The following FBF1 variants were observed in gnomAD, a reference collection of about 807,000 sequenced individuals.
The protein encoded by FBF1 is fas-binding factor 1.
A neutral mutation model predicts 147.2 loss-of-function variants in FBF1; 119 were observed. The ratio of observed to expected loss-of-function variants is 0.81; its 90% CI spans 0.70 to 0.94. The LOEUF (loss-of-function observed/expected upper bound fraction) is 0.94. FBF1 is among the 40% of genes least tolerant of loss of function. FBF1 has a pLI of 0.00. For synonymous variants in FBF1, 601 were observed against 609.0 expected (o/e 0.99, Z 0.19); for missense variants, 1,449 against 1,500.8 (o/e 0.97, Z 0.57).
In FBF1 at chr17:75,917,839, G is replaced by A. The variant is rs751049224; in HGVS notation, c.2398C>T (p.Arg800Trp). 1.4e-5 allele frequency: 23 copies of A among 1,605,708 alleles called. No homozygotes were observed. Among genetic ancestry groups the A allele is most frequent in the South Asian group, 2.2e-5 (2 of 89,622 alleles). ...RDEQLRALQE[R>W]LGQQQRDMEE... Reference sequence around the variant, plus strand: ...ATGTCCCGCTGCTGCTGGCCCAGCCGCTCCTGCAGTGCTGGGGGCAACCCA... The same window carrying A: ...ATGTCCCGCTGCTGCTGGCCCAGCCACTCCTGCAGTGCTGGGGGCAACCCA... Residue 800 changes from arginine (R) to tryptophan (W), a missense_variant, in exon 23 of 30, where the codon CGG (arginine) becomes TGG (tryptophan). Physicochemically the swap from Arg to Trp is moderately radical, Grantham distance 101. Coordinates refer to ENST00000636174, the MANE Select transcript of FBF1 (RefSeq NM_001319193.2).
intron 4 of FBF1, among the ~76,000 whole-genome samples, chr17:75,934,879 CAAAAA>C (rs1028679601): frequency 1.8e-5 from 1 of 55,610 alleles, no homozygotes; most frequent in African/African-American, 5.9e-5. Flanking sequence ...AACTCTGTCT[CAAAAA>C]AAAAAAAAAA....
Position 75,913,974 on chromosome 17 carries a change from C to T in FBF1, c.3068G>A (p.Arg1023Gln), listed in dbSNP as rs775509470. 1.7e-5 allele frequency: 26 copies of T among 1,561,158 alleles called. No homozygotes were observed. The highest frequency in any genetic ancestry group is 3.5e-5 in the South Asian group (3 of 85,694). The change falls in exon 27 of 30, where the codon CGG (arginine) becomes CAG (glutamine). Residue 1023 changes from arginine (R) to glutamine (Q), a missense_variant. Arg to Gln is a conservative substitution (Grantham distance 43). Transcript: ENST00000636174. ...AQQVQAEQQARLQAVQQQQER... is the reference protein window; with the variant it reads ...AQQVQAEQQAQLQAVQQQQER... ...CTGCTGTTGCTGCACCGCCTGCAAC[C>T]GGGCCTGCTGCTCTGCCTGCACCTG...
At chr17:75,914,395 G>A in intron 25 of FBF1, 97 bp from the exon 26 acceptor site, 1 of 1,468,146 alleles carries the variant, frequency 6.8e-7, no homozygotes. Flanking sequence ...CTGCCCCTGG[G>A]AGGAGGTGGT....
chr17:75,938,121 T>G, intron 2 of FBF1, 26 bp downstream of exon 2: 2 of 1,613,184 alleles, frequency 1.2e-6, no homozygotes, highest in Non-Finnish European at 1.7e-6. Context: ...TCGCTTTCCA[T>G]GCATCTTACT....
chr17:75,917,416 G>A (rs762757727), intron 23 of FBF1, among the ~76,000 whole-genome samples: 3 of 152,266 alleles, frequency 2.0e-5, no homozygotes, highest in Non-Finnish European at 2.9e-5. Flanking sequence ...TGACAGATTC[G>A]AGTGTCAGGA....
Position 75,914,156 on chromosome 17 carries a change from T to A in FBF1, c.2957A>T (p.Lys986Met), listed in dbSNP as rs1322520086. The A allele has an allele frequency of 3.1e-6, 5 of 1,602,236 alleles. No individual in the cohort carries two copies. The highest frequency in any genetic ancestry group is 1.6e-4 in the Middle Eastern group (1 of 6,074). Residue 986 changes from lysine (K) to methionine (M), a missense_variant, in exon 26 of 30, where the codon AAG becomes ATG. By Grantham distance (95) the Lys-to-Met change is moderately conservative. Coordinates refer to ENST00000636174, the MANE Select transcript of FBF1 (RefSeq NM_001319193.2). ...ERINATALRVKLRAEEVESMS... is the reference protein window; with the variant it reads ...ERINATALRVMLRAEEVESMS... ...GCTCTCCACCTCCTCGGCGCGGAGCTTGACACGCAGGGCGGTGGCGTTGAT... is the reference window on the plus strand; with the variant it reads ...GCTCTCCACCTCCTCGGCGCGGAGCATGACACGCAGGGCGGTGGCGTTGAT...
At chr17:75,932,663 C>T (rs535586904) in intron 5 of FBF1, among the ~76,000 whole-genome samples, 2 of 152,156 alleles carry the variant, frequency 1.3e-5, no homozygotes, top group South Asian at 2.1e-4. Flanking sequence ...CCGAGGTGGG[C>T]GGATCACCTG....
At position 75,922,797 on chromosome 17, in the gene FBF1, C is replaced by A. The variant is rs932101620; in HGVS notation, c.1424+389G>T. Among the ~76,000 whole-genome samples the A allele has an allele frequency of 6.6e-6, 1 of 152,260 alleles. No homozygotes were observed. Among genetic ancestry groups the A allele is most frequent in the African/African-American group, 2.4e-5 (1 of 41,470 alleles). On this transcript the variant is annotated intron_variant, in intron 14 of 29. Coordinates refer to ENST00000636174, the MANE Select transcript of FBF1 (RefSeq NM_001319193.2). The surrounding 1 kb of genome is among the most constrained non-coding windows in gnomAD (Gnocchi z 5.0). ...TCTCAGCTCACACACGCCATACTCG[C>A]TTCAGTGGAGTCGGCAGAAGCACCG...
intron 28 of FBF1, chr17:75,913,433 C>T: frequency 2.8e-6 from 1 of 353,898 alleles, no homozygotes; most frequent in Non-Finnish European, 5.1e-6. Context: ...TAGGCGTGAG[C>T]CACCACGCCC....
intron 23 of FBF1, among the ~76,000 whole-genome samples, chr17:75,916,497 G>A (rs1390003188): frequency 6.6e-6 from 1 of 152,114 alleles, no homozygotes; most frequent in African/African-American, 2.4e-5. Context: ...GTTTGCGCCT[G>A]TAGTCCCAGC....
At chr17:75,937,174 ATTTT>A (rs879519217) in intron 3 of FBF1, among the ~76,000 whole-genome samples, 1 of 144,138 alleles carries the variant, frequency 6.9e-6, no homozygotes, top group Non-Finnish European at 1.5e-5. Context: ...GATCAAAAAC[ATTTT>A]TTTTTTTTTT....
chr17:75,912,989 G>A (rs2065464575), intron 28 of FBF1, among the ~76,000 whole-genome samples: 1 of 151,538 alleles, frequency 6.6e-6, no homozygotes. Flanking sequence ...GCACTAAGCC[G>A]AGATCATGCC....
chr17:75,931,180 AGTGTTTCTGG>A (rs766963216), intron 6 of FBF1, 39 bp downstream of exon 6: 264 of 1,547,656 alleles, frequency 1.7e-4, no homozygotes, highest in Non-Finnish European at 2.1e-4. Flanking sequence ...CACCCATCTC[AGTGTTTCTGG>A]GGATAAGTAG....
chr17:75,933,715 G>A (rs1410900285), intron 4 of FBF1, among the ~76,000 whole-genome samples: 1 of 152,096 alleles, frequency 6.6e-6, no homozygotes, highest in Non-Finnish European at 1.5e-5. Flanking sequence ...TTAACTCAAC[G>A]ATAAAAAGAC....
intron 15 of FBF1, among the ~76,000 whole-genome samples, 187 bp from the exon 16 acceptor site, chr17:75,921,747 C>G (rs1283028232): frequency 9.4e-6 from 1 of 106,654 alleles, no homozygotes; most frequent in East Asian, 2.9e-4. Flanking sequence ...TGGGCAGCCT[C>G]TAGGTGGGAC....
At position 75,938,443 on chromosome 17, in the gene FBF1, C is replaced by T. The variant is rs114723535; in HGVS notation, c.-83-211G>A. On this transcript the variant is annotated intron_variant, in intron 1 of 29. Transcript: ENST00000636174. ...GTGTGGTGGTGTACATCTGTAATCC[C>T]GCAGCAGGAGGCTGAGGCAAGAGAC... Among the ~76,000 whole-genome samples, 865 of 150,394 alleles carry T rather than the reference C, an allele frequency of 5.8e-3. 11 individuals are homozygous for T. The highest frequency in any genetic ancestry group is 0.02 in the African/African-American group (805 of 40,716).
rs1430865234 is a variant in FBF1 at position 75,914,135 on chromosome 17, T to A, written c.2978A>T (p.Glu993Val). ...CCCGAGCAGCACCTTGCTCATGCTCTCCACCTCCTCGGCGCGGAGCTTGAC... is the reference window on the plus strand; with the variant it reads ...CCCGAGCAGCACCTTGCTCATGCTCACCACCTCCTCGGCGCGGAGCTTGAC... Reference protein sequence around the residue: ...LRVKLRAEEVESMSKVASEKY... With the variant: ...LRVKLRAEEVVSMSKVASEKY... Residue 993 changes from glutamate to valine, a missense_variant, in exon 26 of 30, where the codon GAG becomes GTG. Transcript: ENST00000636174. 1 of 1,601,696 alleles carries A rather than the reference T, an allele frequency of 6.2e-7. No homozygotes were observed. The highest frequency in any genetic ancestry group is 1.7e-5 in the Admixed American group (1 of 58,960).
At chr17:75,937,628 C>G (rs773073204) in intron 2 of FBF1, 35 bp from the exon 3 acceptor site, 2 of 1,612,838 alleles carry the variant, frequency 1.2e-6, no homozygotes, top group East Asian at 4.5e-5. Context: ...TCAAGAAAAC[C>G]AAACAGTGAA....
intron 2 of FBF1, 70 bp from the exon 3 acceptor site, chr17:75,937,663 A>C (rs1481516990): frequency 6.5e-7 from 1 of 1,537,438 alleles, no homozygotes; most frequent in East Asian, 2.2e-5. Context: ...GGCAATGCAG[A>C]ATGAATTGCG....
Sources: gnomAD v4.1 joint callset for allele counts (sites outside exome capture counted in the v4.1 genomes callset) on GRCh38, gnomAD v4.1.1 for gene constraint, Gnocchi (gnomAD v3.1) non-coding constraint, MANE v1.5 for transcripts, NCBI Gene and HGNC (gene_info 2026-07-23, HGNC 2026-07-21) for gene names.